The following MEIS2 variants were observed in gnomAD, a reference collection of about 807,000 sequenced individuals.
MEIS2 encodes homeobox protein Meis2.
MEIS2 carries 9 observed loss-of-function variants against 58.6 expected under a neutral mutation model. That is an observed-to-expected ratio of 0.15 (90% CI 0.09 to 0.27). MEIS2 has a LOEUF of 0.27. Ranked by LOEUF, MEIS2 falls within the 10% of genes least tolerant of loss-of-function variation. The pLI is 1.00. For synonymous variants in MEIS2, 221 were observed against 228.4 expected (o/e 0.97, Z 0.29); for missense variants, 427 against 635.0 (o/e 0.67, Z 3.52).
intron 8 of MEIS2, among the ~76,000 whole-genome samples, chr15:36,981,135 A>G (rs1361971518): frequency 6.6e-6 from 1 of 152,034 alleles, no homozygotes; most frequent in Non-Finnish European, 1.5e-5. Context: ...TTTCATTTGT[A>G]ATTTACTCCA....
chr15:36,945,244 C>T (rs919250653), intron 9 of MEIS2, among the ~76,000 whole-genome samples: 2 of 151,960 alleles, frequency 1.3e-5, no homozygotes, highest in Non-Finnish European at 2.9e-5. Context: ...CAAGTATAAG[C>T]AGCAAAGAAA....
chr15:36,924,388 T>G (rs1408290010), intron 9 of MEIS2, among the ~76,000 whole-genome samples: 9 of 152,160 alleles, frequency 5.9e-5, no homozygotes. Context: ...AGAGTTCCCT[T>G]TCACCAAATC....
At chr15:37,062,473 G>A (rs918566665) in intron 7 of MEIS2, among the ~76,000 whole-genome samples, 1 of 152,224 alleles carries the variant, frequency 6.6e-6, no homozygotes, top group African/African-American at 2.4e-5. Flanking sequence ...CTCCAAGGAT[G>A]TAGTCAAAGA....
chr15:36,935,067 G>T (rs550459688), intron 9 of MEIS2, among the ~76,000 whole-genome samples: 302 of 152,246 alleles, frequency 2.0e-3, no homozygotes, highest in Non-Finnish European at 3.9e-3. Context: ...TAATTGGTTA[G>T]AGTCCAAGGT....
intron 9 of MEIS2, among the ~76,000 whole-genome samples, chr15:36,909,413 G>T (rs1257382161): frequency 6.6e-6 from 1 of 152,170 alleles, no homozygotes; most frequent in Non-Finnish European, 1.5e-5. Flanking sequence ...ATGAGTGAAT[G>T]AAAATAGGGT....
chr15:37,080,805 T>C (rs1022537572), intron 7 of MEIS2, among the ~76,000 whole-genome samples: 9 of 152,210 alleles, frequency 5.9e-5, no homozygotes, highest in African/African-American at 1.9e-4. Flanking sequence ...CATATTTATA[T>C]AGCTTACTGT....
At position 37,038,629 on chromosome 15, in the gene MEIS2, C is replaced by T. The variant is rs900618491; in HGVS notation, c.755-1670G>A. Among the ~76,000 whole-genome samples, 6 of 152,300 alleles carry T rather than the reference C, an allele frequency of 3.9e-5. No individual in the cohort carries two copies. The East Asian group carries it at 5.8e-4, about 15-fold the overall frequency. On this transcript the variant is annotated intron_variant, in intron 7 of 11. Transcript: ENST00000561208. The stretch of plus-strand genomic sequence containing the variant: ...CTGCCCAAACACTAGAGCATGACCC[C>T]GAAGTTGCTGTTCTCTTTTTCTTTG...
At chr15:37,068,807 C>T (rs1458016125) in intron 7 of MEIS2, among the ~76,000 whole-genome samples, 1 of 152,112 alleles carries the variant, frequency 6.6e-6, no homozygotes, top group Admixed American at 6.5e-5. Context: ...AGATTACTGT[C>T]TCTAGGGTAG....
upstream of MEIS2, chr15:37,101,303 CGTGTGTGTGTGTGTGTGTGTGTGT>C (rs371810726): frequency 1.6e-5 from 2 of 128,442 alleles, no homozygotes; most frequent in Non-Finnish European, 3.3e-5. Context: ...TAGCCAAAGG[CGTGTGTGTGTGTGTGTGTGTGTGT>C]GTGTGTGTGT....
At chr15:37,005,312 G>A (rs1368965688) in intron 8 of MEIS2, among the ~76,000 whole-genome samples, 3 of 152,150 alleles carry the variant, frequency 2.0e-5, no homozygotes, top group African/African-American at 4.8e-5. Flanking sequence ...GATAAAAAAC[G>A]AATATGAGAA....
chr15:37,038,274 T>G (rs550418519), intron 7 of MEIS2, among the ~76,000 whole-genome samples: 3 of 152,332 alleles, frequency 2.0e-5, no homozygotes, highest in Admixed American at 2.0e-4. Flanking sequence ...ATCCATCAGC[T>G]CATTCCCAGA....
At chr15:37,056,445 T>C (rs1888409705) in intron 7 of MEIS2, among the ~76,000 whole-genome samples, 1 of 152,178 alleles carries the variant, frequency 6.6e-6, no homozygotes, top group African/African-American at 2.4e-5. Flanking sequence ...TTCAACTAAT[T>C]TTCCTTCAGA....
At chr15:36,993,762 C>T (rs1371119061) in intron 8 of MEIS2, among the ~76,000 whole-genome samples, 3 of 152,106 alleles carry the variant, frequency 2.0e-5, no homozygotes, top group Non-Finnish European at 4.4e-5. Context: ...ATTCAGAAGA[C>T]TGAAGCAAAA....
chr15:37,076,143 T>C (rs1004502301), intron 7 of MEIS2, among the ~76,000 whole-genome samples: 9 of 151,798 alleles, frequency 5.9e-5, no homozygotes, highest in African/African-American at 1.9e-4. Flanking sequence ...AAAGGCCAAA[T>C]TAAAAGCAAA....
chr15:36,995,361 C>T (rs1176385377), intron 8 of MEIS2, among the ~76,000 whole-genome samples: 1 of 152,038 alleles, frequency 6.6e-6, no homozygotes, highest in African/African-American at 2.4e-5. Context: ...TTCAAATGAA[C>T]TATGAAAGTG....
At position 37,098,217 on chromosome 15, in the gene MEIS2, G is replaced by C. The variant is rs768829151; in HGVS notation, c.13-18C>G. 12 of 1,570,930 alleles carry C rather than the reference G, an allele frequency of 7.6e-6. No homozygotes were observed. The highest frequency in any genetic ancestry group is 9.5e-6 in the Non-Finnish European group (11 of 1,153,352). ...TCATCGTACTGTCAGAACCCGGGAA[G>C]GGGGAGGGGGCGCAGGAGGTGAGGG... On this transcript the variant is annotated intron_variant, in intron 1 of 11. Transcript: ENST00000561208.
At chr15:37,015,411 C>T (rs1244830403) in intron 8 of MEIS2, among the ~76,000 whole-genome samples, 1 of 152,086 alleles carries the variant, frequency 6.6e-6, no homozygotes, top group Non-Finnish European at 1.5e-5. Context: ...TAGATAATTA[C>T]ATTTTTTTTC....
intron 9 of MEIS2, among the ~76,000 whole-genome samples, chr15:36,944,439 C>T (rs1248175294): frequency 1.3e-5 from 2 of 152,014 alleles, no homozygotes; most frequent in Non-Finnish European, 2.9e-5. Context: ...TTATTTCAAC[C>T]CATGAGTGAC....
At chr15:37,006,596 T>G (rs76830116) in intron 8 of MEIS2, among the ~76,000 whole-genome samples, 3,625 of 152,330 alleles carry the variant, frequency 0.024, 159 homozygotes, top group African/African-American at 0.082. Flanking sequence ...TTGATAGCTA[T>G]ATGCGTCTCT....
Sources: allele counts gnomAD v4.1 joint callset (sites outside exome capture counted in the v4.1 genomes callset), GRCh38; gene constraint gnomAD v4.1.1; transcripts MANE v1.5; gene names NCBI Gene and HGNC (gene_info 2026-07-23, HGNC 2026-07-21).